CLASRP: variants seen among roughly 807,000 people sequenced by gnomAD.
The protein encoded by CLASRP is CLK4-associating serine/arginine rich protein.
In CLASRP, 52 loss-of-function variants were observed where a neutral mutation model predicts 99.9. That is an observed-to-expected ratio of 0.52 (90% CI 0.42 to 0.66). CLASRP has a LOEUF of 0.66. Ranked by LOEUF, CLASRP falls within the 30% of genes least tolerant of loss-of-function variation. The pLI, the probability that CLASRP is intolerant of heterozygous loss-of-function variation, is 0.00. For synonymous variants in CLASRP, 379 were observed against 373.0 expected, an observed-to-expected ratio of 1.02 and a Z score of -0.18; for missense variants, 848 against 999.2, an observed-to-expected ratio of 0.85 and a Z score of 2.04.
rs1420038099 is a variant in CLASRP at position 45,052,099 on chromosome 19, T to G, written c.128T>G (p.Val43Gly). 1 of 1,613,914 alleles carries G rather than the reference T, an allele frequency of 6.2e-7. No homozygotes were observed. Among genetic ancestry groups the G allele is most frequent in the Non-Finnish European group, 8.5e-7 (1 of 1,180,024 alleles). The change falls in exon 3 of 21, where the codon GTA becomes GGA. Residue 43 changes from valine to glycine, a missense_variant. By Grantham distance (109) the Val-to-Gly change is moderately radical. Transcript: ENST00000221455. ...AAGGACCCAGCCCAGTTCCTGCAGG[T>G]ACATGGCCGAGCTTGCAAGGTGCAC... ...IKKDPAQFLQ[V>G]HGRACKVHLD... is the part of the protein sequence containing the mutation.
chr19:45,042,744 G>A (rs1971836811), intron 2 of CLASRP, among the ~76,000 whole-genome samples: 1 of 151,886 alleles, frequency 6.6e-6, no homozygotes, highest in African/African-American at 2.4e-5. Flanking sequence ...AACCTCCTGA[G>A]TAGCTGGAAT....
intron 18 of CLASRP, chr19:45,069,812 G>C: frequency 1.8e-6 from 1 of 566,266 alleles, no homozygotes; most frequent in Non-Finnish European, 3.2e-6. Flanking sequence ...CTGTTCCCCA[G>C]GCTTTCCTAG....
intron 6 of CLASRP, among the ~76,000 whole-genome samples, chr19:45,057,234 C>A (rs941144786): frequency 1.3e-5 from 2 of 152,210 alleles, no homozygotes; most frequent in Non-Finnish European, 2.9e-5. Context: ...TGGGCAGCTC[C>A]CTCAGTGACA....
intron 20 of CLASRP, 108 bp downstream of exon 20, chr19:45,070,669 AG>A: frequency 7.6e-7 from 1 of 1,317,170 alleles, no homozygotes; most frequent in Non-Finnish European, 1.1e-6. Context: ...CTCCAGTTGG[AG>A]GGGCTGGTCT....
intron 10 of CLASRP, among the ~76,000 whole-genome samples, chr19:45,061,768 C>T (rs1261308076): frequency 6.6e-6 from 1 of 152,010 alleles, no homozygotes; most frequent in African/African-American, 2.4e-5. Flanking sequence ...GCCACCGCAC[C>T]CAGCCTATTT....
At position 45,068,977 on chromosome 19, in the gene CLASRP, G is replaced by A. The variant is rs185610033; in HGVS notation, c.1769-89G>A. The A allele has an allele frequency of 1.2e-4, 147 of 1,207,370 alleles. No individual in the cohort carries two copies. In the African/African-American group the frequency reaches 1.8e-3, roughly 15 times the overall value. 74.8% of individuals were successfully genotyped at this position (1,207,370 alleles called of 1,614,324 possible). ...TGCACTCCAGCCTGGGCGACAGAGC[G>A]AGACTCTGTCTCAAAAAAAAAAAAA... On this transcript the variant is annotated intron_variant, in intron 16 of 20. Coordinates refer to ENST00000221455, the MANE Select transcript of CLASRP (RefSeq NM_007056.3).
intron 8 of CLASRP, 80 bp downstream of exon 8, chr19:45,059,444 C>G: frequency 8.3e-7 from 1 of 1,197,666 alleles, no homozygotes; most frequent in South Asian, 1.3e-5. Flanking sequence ...GTATTGACAG[C>G]CATCCTGTTT....
chr19:45,068,952 T>C, intron 16 of CLASRP, 114 bp from the exon 17 acceptor site: 1 of 967,558 alleles, frequency 1.0e-6, no homozygotes. Flanking sequence ...ATCACGCCAC[T>C]GCACTCCAGC....
rs1459789914 is a variant in CLASRP, at chr19:45,064,020, C to T, written c.914C>T (p.Ser305Leu). 6.2e-6 allele frequency: 10 copies of T among 1,610,478 alleles called. No individual in the cohort carries two copies. The Admixed American group carries it at 1.0e-4, about 16-fold the overall frequency. The stretch of plus-strand genomic sequence containing the variant: ...CTCCTCCCTACCCGCAGGTCACCCT[C>T]GGAGTCCAGCTCAGAGTCCCGCTCC... ...PTYDPYKRSPSESSSESRSRS... is the reference protein window; with the variant it reads ...PTYDPYKRSPLESSSESRSRS... The change falls in exon 12 of 21, where the codon TCG becomes TTG. Residue 305 changes from serine to leucine, a missense_variant. By Grantham distance (145) the Ser-to-Leu change is moderately radical. Transcript: ENST00000221455.
intron 2 of CLASRP, among the ~76,000 whole-genome samples, chr19:45,046,983 C>T (rs542108964): frequency 8.5e-5 from 13 of 152,206 alleles, no homozygotes; most frequent in East Asian, 1.9e-4. Flanking sequence ...GCCTAGATCA[C>T]GCCATTGCAG....
intron 2 of CLASRP, among the ~76,000 whole-genome samples, chr19:45,049,489 C>T (rs1971982076): frequency 6.6e-6 from 1 of 152,182 alleles, no homozygotes; most frequent in Non-Finnish European, 1.5e-5. Flanking sequence ...ATGAGAGTCA[C>T]AGCAGCCCAG....
chr19:45,058,621 G>A (rs954708421), intron 7 of CLASRP, among the ~76,000 whole-genome samples: 2 of 151,990 alleles, frequency 1.3e-5, no homozygotes, highest in Admixed American at 6.6e-5. Flanking sequence ...TCCTGACCTC[G>A]TGATCCACTT....
chr19:45,069,340 C>A, intron 18 of CLASRP, 92 bp downstream of exon 18: 5 of 1,308,294 alleles, frequency 3.8e-6, no homozygotes, highest in Non-Finnish European at 5.5e-6. Flanking sequence ...CTGCCCAGCT[C>A]CCTGTGGGTG....
At chr19:45,051,704 C>T (rs910678381) in intron 2 of CLASRP, among the ~76,000 whole-genome samples, 11 of 151,992 alleles carry the variant, frequency 7.2e-5, no homozygotes, top group African/African-American at 1.2e-4. Flanking sequence ...CGCGGTGACT[C>T]ATGCCTGTAA....
At chr19:45,065,018 G>T (rs1967051633) in intron 13 of CLASRP, among the ~76,000 whole-genome samples, 1 of 152,106 alleles carries the variant, frequency 6.6e-6, no homozygotes. Flanking sequence ...TTGAGGGCTG[G>T]GAAACCCCTT....
Position 45,040,281 on chromosome 19 carries a change from G to A in CLASRP, c.69G>A (p.Ala23=), listed in dbSNP as rs986355993. The A allele has an allele frequency of 9.3e-6, 15 of 1,611,948 alleles. No homozygotes were observed. The highest frequency in any genetic ancestry group is 1.6e-4 in the Middle Eastern group (1 of 6,078). Residue 23 remains alanine, a synonymous_variant, in exon 2 of 21, where the codon GCG becomes GCA. Transcript: ENST00000221455. ...RGMMVDYKKR[A]ERRREYYEKI... is the part of the protein sequence containing the mutation. ...TGATGGTCGACTACAAGAAGAGGGC[G>A]GAGCGGAGACGGGAGTATTATGAAA...
Position 45,067,469 on chromosome 19 carries a change from T to C in CLASRP, c.1542T>C (p.His514=), listed in dbSNP as rs1467508564. 6 of 1,556,738 alleles carry C rather than the reference T, an allele frequency of 3.9e-6. No individual in the cohort carries two copies. Among genetic ancestry groups the C allele is most frequent in the African/African-American group, 1.4e-5 (1 of 73,020 alleles). ...RSRSLTRSRS[H]SPSPSQSRSR... is the part of the protein sequence containing the mutation. Reference sequence around the variant, plus strand: ...GCAGCCTGACTCGCAGCCGCAGCCATAGCCCCAGCCCCAGCCAGAGCCGCA... The same window carrying C: ...GCAGCCTGACTCGCAGCCGCAGCCACAGCCCCAGCCCCAGCCAGAGCCGCA... Residue 514 remains histidine, a synonymous_variant, in exon 14 of 21, where the codon CAT becomes CAC. Transcript: ENST00000221455. The surrounding 1 kb of genome is among the most constrained non-coding windows in gnomAD (Gnocchi z 4.9).
chr19:45,040,383 T>G (rs1971789188), intron 2 of CLASRP, 72 bp downstream of exon 2: 1 of 1,062,872 alleles, frequency 9.4e-7, no homozygotes, highest in African/African-American at 1.6e-5. Flanking sequence ...CCTGGTAAAA[T>G]CTGGGCTTGG....
intron 5 of CLASRP, among the ~76,000 whole-genome samples, chr19:45,055,647 A>G (rs1225334747): frequency 6.6e-6 from 1 of 152,066 alleles, no homozygotes; most frequent in Non-Finnish European, 1.5e-5. Flanking sequence ...CAGCCTGACC[A>G]ATATGGAGAA....
Sources: gnomAD v4.1 joint callset for allele counts (sites outside exome capture counted in the v4.1 genomes callset) on GRCh38, gnomAD v4.1.1 for gene constraint, Gnocchi (gnomAD v3.1) non-coding constraint, MANE v1.5 for transcripts, NCBI Gene and HGNC (gene_info 2026-07-23, HGNC 2026-07-21) for gene names.